The following KCNH8 variants were observed in gnomAD, a reference collection of about 807,000 sequenced individuals.
KCNH8 encodes the protein voltage-gated delayed rectifier potassium channel KCNH8.
KCNH8 carries 70 observed loss-of-function variants against 103.6 expected under a neutral mutation model. The observed-to-expected ratio is 0.68, with a 90% CI of 0.56 to 0.82. The LOEUF is 0.82. KCNH8 is among the 40% of genes least tolerant of loss of function. The pLI, the probability that KCNH8 is intolerant of heterozygous loss-of-function variation, is 0.00. For missense variants in KCNH8, 1,217 were observed against 1,329.9 expected, an observed-to-expected ratio of 0.92 and a Z score of 1.32; for synonymous variants, 498 against 489.4, an observed-to-expected ratio of 1.02 and a Z score of -0.23.
At chr3:19,440,328 A>T (rs2067264002) in intron 8 of KCNH8, among the ~76,000 whole-genome samples, 1 of 152,196 alleles carries the variant, frequency 6.6e-6, no homozygotes, top group African/African-American at 2.4e-5. Context: ...ATGTATTCAA[A>T]TATTGTATTA....
At chr3:19,252,870 G>A (rs1015271580) in intron 1 of KCNH8, among the ~76,000 whole-genome samples, 1 of 152,084 alleles carries the variant, frequency 6.6e-6, no homozygotes, top group African/African-American at 2.4e-5. Flanking sequence ...CCTGGAGATC[G>A]TATCCAGACC....
At chr3:19,494,763 T>C (rs1197770951) in intron 11 of KCNH8, among the ~76,000 whole-genome samples, 1 of 152,128 alleles carries the variant, frequency 6.6e-6, no homozygotes, top group Non-Finnish European at 1.5e-5. Context: ...TTTTAGGTCT[T>C]TGAGGAGTCA....
chr3:19,490,664 T>C (rs918877036), intron 11 of KCNH8, among the ~76,000 whole-genome samples: 3 of 152,152 alleles, frequency 2.0e-5, no homozygotes, highest in South Asian at 2.1e-4. Flanking sequence ...GAGGCAGAAA[T>C]TGGGCATAAG....
chr3:19,260,919 T>C (rs2064425724), intron 2 of KCNH8, among the ~76,000 whole-genome samples: 1 of 149,120 alleles, frequency 6.7e-6, no homozygotes, highest in Non-Finnish European at 1.5e-5. Flanking sequence ...CACATCTATG[T>C]TGTGACAAAT....
At chr3:19,289,402 G>A (rs11128914) in intron 3 of KCNH8, among the ~76,000 whole-genome samples, 3 of 152,170 alleles carry the variant, frequency 2.0e-5, no homozygotes, top group African/African-American at 7.2e-5. Flanking sequence ...TAATTTTTGT[G>A]TAAGGTGTAA....
intron 7 of KCNH8, among the ~76,000 whole-genome samples, chr3:19,396,581 A>G (rs2066522093): frequency 6.6e-6 from 1 of 152,022 alleles, no homozygotes; most frequent in African/African-American, 2.4e-5. Context: ...CAATTCTAGG[A>G]AACAAAGAAA....
chr3:19,276,572 TAAAG>T (rs953788945), intron 2 of KCNH8, among the ~76,000 whole-genome samples: 17 of 152,098 alleles, frequency 1.1e-4, no homozygotes, highest in African/African-American at 4.1e-4. Context: ...GCACAGTCAT[TAAAG>T]AGAGTGGGAC....
chr3:19,263,215 AT>A (rs1053272752), intron 2 of KCNH8, among the ~76,000 whole-genome samples: 65 of 152,200 alleles, frequency 4.3e-4, no homozygotes, highest in African/African-American at 1.5e-3. Flanking sequence ...GGTTTCCTGA[AT>A]ATGAGACCTT....
intron 11 of KCNH8, among the ~76,000 whole-genome samples, chr3:19,501,534 A>T (rs574538930): frequency 2.8e-4 from 42 of 152,340 alleles, no homozygotes; most frequent in Admixed American, 1.2e-3. Context: ...TCAATAAAAT[A>T]CTGGCAAACC....
At chr3:19,275,593 T>C (rs567246913) in intron 2 of KCNH8, among the ~76,000 whole-genome samples, 2 of 152,222 alleles carry the variant, frequency 1.3e-5, no homozygotes, top group African/African-American at 4.8e-5. Flanking sequence ...GCAGATAAGG[T>C]GAAGCTTTTA....
chr3:19,508,813 G>A (rs1157903844), intron 11 of KCNH8, among the ~76,000 whole-genome samples: 1 of 152,126 alleles, frequency 6.6e-6, no homozygotes, highest in Non-Finnish European at 1.5e-5. Context: ...CACTAGTATA[G>A]AAAAATGACT....
At chr3:19,430,207 C>T (rs1201060238) in intron 7 of KCNH8, among the ~76,000 whole-genome samples, 1 of 152,140 alleles carries the variant, frequency 6.6e-6, no homozygotes, top group African/African-American at 2.4e-5. Flanking sequence ...ATCCCAGCAC[C>T]ATTTATTAAA....
intron 5 of KCNH8, among the ~76,000 whole-genome samples, chr3:19,365,933 A>G (rs1267256247): frequency 6.6e-6 from 1 of 152,102 alleles, no homozygotes; most frequent in Non-Finnish European, 1.5e-5. Context: ...ATTCCAAGCA[A>G]AGGGGACAGC....
rs2069235505 is a variant in KCNH8 at position 19,534,612 on chromosome 3, A to G, written c.*513A>G. ...AATCAGTCAAATAGAGCTGGTGGCC[A>G]GTGGTTAGCTATTCGCACGTTATTT... is the stretch of plus-strand genomic sequence containing the variant. On this transcript the variant is annotated 3_prime_UTR_variant, in exon 16 of 16. Transcript: ENST00000328405. The G allele has an allele frequency of 2.6e-5, 4 of 153,726 alleles. No individual in the cohort carries two copies. The South Asian group carries it at 8.2e-4, about 32-fold the overall frequency. 9.5% of individuals were successfully genotyped at this position (153,726 alleles called of 1,614,324 possible).
At chr3:19,381,689 TAAAAGGGAAAA>T in intron 5 of KCNH8, among the ~76,000 whole-genome samples, 1 of 151,398 alleles carries the variant, frequency 6.6e-6, no homozygotes, top group Non-Finnish European at 1.5e-5. Context: ...CGAGAATTGC[TAAAAGGGAAAA>T]AAAAGAGAAA....
At chr3:19,169,808 A>C (rs2063323592) in intron 1 of KCNH8, among the ~76,000 whole-genome samples, 1 of 152,182 alleles carries the variant, frequency 6.6e-6, no homozygotes, top group Admixed American at 6.6e-5. Flanking sequence ...AGCTAAAGTG[A>C]ATTTTTTGGA....
chr3:19,508,660 G>A (rs1461089641), intron 11 of KCNH8, among the ~76,000 whole-genome samples: 1 of 152,104 alleles, frequency 6.6e-6, no homozygotes, highest in Non-Finnish European at 1.5e-5. Context: ...CTCAAAATGT[G>A]TCTCCAGGGC....
At chr3:19,338,612 A>G (rs2065617060) in intron 3 of KCNH8, among the ~76,000 whole-genome samples, 1 of 152,100 alleles carries the variant, frequency 6.6e-6, no homozygotes, top group Non-Finnish European at 1.5e-5. Flanking sequence ...ACGGTGGTCA[A>G]CTGGATATTG....
In KCNH8 at chr3:19,438,331, A is replaced by G. The variant is rs567003668; in HGVS notation, c.1345A>G (p.Ile449Val). Residue 449 changes from isoleucine to valine, a missense_variant, in exon 8 of 16, where the codon ATC becomes GTC. By Grantham distance (29) the Ile-to-Val change is conservative. Around this residue, in one of 3 missense-constraint regions of KCNH8, gnomAD observed 415 missense variants for 577.4 expected, o/e 0.72. Transcript: ENST00000328405. Reference sequence around the variant, plus strand: ...CTCTGCTAATACAGATGCAGAAAAGATCTTCTCCATCTGCACCATGCTGAT... The same window carrying G: ...CTCTGCTAATACAGATGCAGAAAAGGTCTTCTCCATCTGCACCATGCTGAT... ...NVSANTDAEK[I>V]FSICTMLIGA... 37 of 1,613,904 alleles carry G rather than the reference A, an allele frequency of 2.3e-5. No homozygotes were observed. The South Asian group carries it at 3.6e-4, about 16-fold the overall frequency.
Sources: allele counts gnomAD v4.1 joint callset (sites outside exome capture counted in the v4.1 genomes callset), GRCh38; gene constraint gnomAD v4.1.1; regional missense constraint gnomAD v4.1.1; transcripts MANE v1.5; gene names NCBI Gene and HGNC (gene_info 2026-07-23, HGNC 2026-07-21).